CRMP1: variants seen among roughly 807,000 people sequenced by gnomAD.
CRMP1 encodes the protein collapsin response mediator protein 1.
In CRMP1, 19 loss-of-function variants were observed where a neutral mutation model predicts 68.3. That is an observed-to-expected ratio of 0.28 (90% CI 0.19 to 0.41). CRMP1 has a LOEUF of 0.41. Ranked by LOEUF, CRMP1 falls within the 10% of genes least tolerant of loss-of-function variation. The pLI, the probability that CRMP1 is intolerant of heterozygous loss-of-function variation, is 1.00. For synonymous variants in CRMP1, 439 were observed against 399.6 expected (o/e 1.10, Z -1.18); for missense variants, 791 against 967.4 (o/e 0.82, Z 2.42).
At chr4:5,857,670 G>C (rs1329030895) in intron 3 of CRMP1, among the ~76,000 whole-genome samples, 1 of 152,034 alleles carries the variant, frequency 6.6e-6, no homozygotes, top group African/African-American at 2.4e-5. Context: ...GCTCAAAGAG[G>C]GTAAAGCAAT....
chr4:5,879,276 G>C lies in CRMP1; in HGVS notation c.382-12520C>G, dbSNP rs1715067708. 6.6e-6 allele frequency among the ~76,000 whole-genome samples: 1 copy of C among 152,128 alleles called. No homozygotes were observed. The highest frequency in any genetic ancestry group is 1.5e-5 in the Non-Finnish European group (1 of 68,026). On this transcript the variant is annotated intron_variant, in intron 1 of 13. Coordinates refer to ENST00000324989, the MANE Select transcript of CRMP1 (RefSeq NM_001014809.3). The surrounding 1 kb of genome is among the most constrained non-coding windows in gnomAD (Gnocchi z 4.2). ...GGCCTCCCTGCAGCATGCATCTCTGGCCACATCTGCTCTGCTCATTGCTTT... is the reference window on the plus strand; with the variant it reads ...GGCCTCCCTGCAGCATGCATCTCTGCCCACATCTGCTCTGCTCATTGCTTT...
At position 5,830,592 on chromosome 4, in the gene CRMP1, A is replaced by G. The variant is rs140988202; in HGVS notation, c.1624-1924T>C. 9.2e-5 allele frequency among the ~76,000 whole-genome samples: 14 copies of G among 152,350 alleles called. 1 individual carries two copies. In the East Asian group the frequency reaches 1.5e-3, roughly 17 times the overall value. On this transcript the variant is annotated intron_variant, in intron 11 of 13. Transcript: ENST00000324989. ...TTCTAACACAATTGGATGAGTAACT[A>G]TCGTTTCCTAATTCTAATTGTCTCC...
chr4:5,887,579 A>G, intron 1 of CRMP1: 1 of 984,328 alleles, frequency 1.0e-6, no homozygotes, highest in Non-Finnish European at 1.2e-6. Flanking sequence ...TGCCTCCACC[A>G]CCGTCCCCAC....
intron 2 of CRMP1, among the ~76,000 whole-genome samples, chr4:5,864,620 C>T (rs930629943): frequency 6.6e-6 from 1 of 152,178 alleles, no homozygotes; most frequent in African/African-American, 2.4e-5. Flanking sequence ...TGCAGTGTGA[C>T]AGTGGCTGCA....
Position 5,861,201 on chromosome 4 carries a change from T to C in CRMP1, c.480A>G (p.Gly160=). ...YLEDGLIKQI[G]ENLIVPGGVK... The stretch of plus-strand genomic sequence containing the variant: ...CTCCACCAGGAACGATTAAGTTCTC[T>C]CCTATTTGTCTGGAGGCAAACAACA... Residue 160 remains glycine, a synonymous_variant, in exon 3 of 14, where the codon GGA becomes GGG. Transcript: ENST00000324989. This position sits in a 1 kb window ranked among gnomAD's most constrained non-coding sequence, Gnocchi z 6.0. The C allele has an allele frequency of 1.2e-6, 2 of 1,613,508 alleles. No homozygotes were observed. The highest frequency in any genetic ancestry group is 2.2e-5 in the East Asian group (1 of 44,862).
chr4:5,838,919 A>C lies in CRMP1; in HGVS notation c.1310+603T>G, dbSNP rs911281501. Among the ~76,000 whole-genome samples, 2 of 152,172 alleles carry C rather than the reference A, an allele frequency of 1.3e-5. No homozygotes were observed. Among genetic ancestry groups the C allele is most frequent in the Non-Finnish European group, 2.9e-5 (2 of 68,044 alleles). On this transcript the variant is annotated intron_variant, in intron 9 of 13. Transcript: ENST00000324989. This position sits in a 1 kb window ranked among gnomAD's most constrained non-coding sequence, Gnocchi z 4.9. Reference sequence around the variant, plus strand: ...GTTCTGAGCATGCGTCTCTGCTTCCAGAGCGGCCTGGACACTTAGCCTCGC... The same window carrying C: ...GTTCTGAGCATGCGTCTCTGCTTCCCGAGCGGCCTGGACACTTAGCCTCGC...
At chr4:5,823,317 AAT>A (rs1718989182) in intron 13 of CRMP1, among the ~76,000 whole-genome samples, 1 of 152,228 alleles carries the variant, frequency 6.6e-6, no homozygotes. Flanking sequence ...ACTGGTAGAC[AAT>A]ATGTCTTCTT....
chr4:5,852,270 C>T (rs1712716445), intron 4 of CRMP1, among the ~76,000 whole-genome samples: 1 of 152,232 alleles, frequency 6.6e-6, no homozygotes, highest in African/African-American at 2.4e-5. Context: ...TGAGACGTTA[C>T]TGCACCTCTC....
chr4:5,868,534 C>T (rs1351318338), intron 1 of CRMP1, among the ~76,000 whole-genome samples: 3 of 151,948 alleles, frequency 2.0e-5, no homozygotes, highest in Non-Finnish European at 4.4e-5. Context: ...ATCTCCCGAC[C>T]TCATGATCTG....
Position 5,821,947 on chromosome 4 carries a change from A to G in CRMP1, c.1970-96T>C. Reference sequence around the variant, plus strand: ...TGTACTCTGCCATGCACTCCACTGGACCCACCTTCATTCAGGGCTCAGTCC... The same window carrying G: ...TGTACTCTGCCATGCACTCCACTGGGCCCACCTTCATTCAGGGCTCAGTCC... On this transcript the variant is annotated intron_variant, in intron 13 of 13. Coordinates refer to ENST00000324989, the MANE Select transcript of CRMP1 (RefSeq NM_001014809.3). The surrounding 1 kb of genome is among the most constrained non-coding windows in gnomAD (Gnocchi z 4.4). 8.9e-7 allele frequency: 1 copy of G among 1,127,236 alleles called. No individual in the cohort carries two copies. The highest frequency in any genetic ancestry group is 2.6e-5 in the East Asian group (1 of 38,642). 69.8% of individuals were successfully genotyped at this position (1,127,236 alleles called of 1,614,324 possible). A position where few individuals can be genotyped will look rare whatever the true frequency, so the allele number is the denominator to read the frequency against.
chr4:5,879,086 T>G lies in CRMP1; in HGVS notation c.382-12330A>C, dbSNP rs1374787919. On this transcript the variant is annotated intron_variant, in intron 1 of 13. Transcript: ENST00000324989. This position sits in a 1 kb window ranked among gnomAD's most constrained non-coding sequence, Gnocchi z 4.2. ...AAATCCAACCATGCCTCGCTTCTCC[T>G]CAAAATCCTTCACCAGCTTGTCCTC... Among the ~76,000 whole-genome samples, 1 of 152,162 alleles carries G rather than the reference T, an allele frequency of 6.6e-6. No individual in the cohort carries two copies. The highest frequency in any genetic ancestry group is 1.5e-5 in the Non-Finnish European group (1 of 68,028).
At position 5,855,992 on chromosome 4, in the gene CRMP1, T is replaced by G. The variant is rs1352913019; in HGVS notation, c.820+151A>C. 6 of 838,494 alleles carry G rather than the reference T, an allele frequency of 7.2e-6. No homozygotes were observed. The highest frequency in any genetic ancestry group is 1.1e-5 in the Non-Finnish European group (6 of 537,914). The allele number at this position is 838,494 out of a possible 1,614,324, so 51.9% of individuals were successfully genotyped here. ...AAAAGGATGGACTCTGTAAAGGGACTGGCCTGTTTCCTCACTGTCACGTGG... is the reference window on the plus strand; with the variant it reads ...AAAAGGATGGACTCTGTAAAGGGACGGGCCTGTTTCCTCACTGTCACGTGG... On this transcript the variant is annotated intron_variant, in intron 4 of 13. Transcript: ENST00000324989. The surrounding 1 kb of genome is among the most constrained non-coding windows in gnomAD (Gnocchi z 4.9).
intron 11 of CRMP1, among the ~76,000 whole-genome samples, chr4:5,829,703 A>G (rs769629506): frequency 5.3e-5 from 8 of 152,146 alleles, no homozygotes; most frequent in Non-Finnish European, 1.2e-4. Flanking sequence ...TACCTCAGCA[A>G]TTGTTCCATA....
chr4:5,826,744 C>T (rs1719690074), intron 12 of CRMP1: 1 of 152,512 alleles, frequency 6.6e-6, no homozygotes, highest in South Asian at 2.1e-4. Context: ...CACGGGGCTT[C>T]ATCCTCCATA....
intron 1 of CRMP1, among the ~76,000 whole-genome samples, chr4:5,882,949 C>A (rs1715306171): frequency 6.6e-6 from 1 of 152,212 alleles, no homozygotes. Flanking sequence ...TTATTTCCAT[C>A]CCCTTGGGTG....
intron 6 of CRMP1, among the ~76,000 whole-genome samples, chr4:5,846,615 C>T (rs766481383): frequency 1.3e-5 from 2 of 150,030 alleles, no homozygotes; most frequent in African/African-American, 2.5e-5. Context: ...TTTTTTAAGA[C>T]GGGGTCTCAC....
rs1715932882 is a variant in CRMP1, at chr4:5,891,204, A to ACACACACACACC, written c.381+1384_381+1385insGGTGTGTGTGTG. ...CACACACACACACACACACACACACACACACACACCCTTGCTGTTGGACCT... is the reference window on the plus strand; with the variant it reads ...CACACACACACACACACACACACACACACACACACACCCACACACACCCTTGCTGTTGGACCT... On this transcript the variant is annotated intron_variant, in intron 1 of 13. Coordinates refer to ENST00000324989, the MANE Select transcript of CRMP1 (RefSeq NM_001014809.3). This position sits in a 1 kb window ranked among gnomAD's most constrained non-coding sequence, Gnocchi z 5.2. Among the ~76,000 whole-genome samples, 2 of 151,370 alleles carry ACACACACACACC rather than the reference A, an allele frequency of 1.3e-5. No homozygotes were observed. The highest frequency in any genetic ancestry group is 4.9e-5 in the African/African-American group (2 of 41,194).
chr4:5,831,239 G>A (rs558938509), intron 11 of CRMP1, among the ~76,000 whole-genome samples: 6 of 152,212 alleles, frequency 3.9e-5, no homozygotes, highest in East Asian at 3.9e-4. Context: ...GAACCACCAC[G>A]CCAGGCCAAG....
At position 5,879,624 on chromosome 4, in the gene CRMP1, A is replaced by G. The variant is rs1301507006; in HGVS notation, c.382-12868T>C. On this transcript the variant is annotated intron_variant, in intron 1 of 13. Transcript: ENST00000324989. The surrounding 1 kb of genome is among the most constrained non-coding windows in gnomAD (Gnocchi z 4.2). ...CTTGAAATAATATGTAAAAGCACCC[A>G]ATACACTGAACACTGTCCTATGAAG... 6.6e-6 allele frequency among the ~76,000 whole-genome samples: 1 copy of G among 152,210 alleles called. No homozygotes were observed. The highest frequency in any genetic ancestry group is 1.5e-5 in the Non-Finnish European group (1 of 68,044).
Sources: gnomAD v4.1 joint callset for allele counts (sites outside exome capture counted in the v4.1 genomes callset) on GRCh38, gnomAD v4.1.1 for gene constraint, Gnocchi (gnomAD v3.1) non-coding constraint, MANE v1.5 for transcripts, NCBI Gene and HGNC (gene_info 2026-07-23, HGNC 2026-07-21) for gene names.